Variants in SNAPC1 observed in about 807,000 individuals in gnomAD.
The protein encoded by SNAPC1 is small nuclear RNA activating complex polypeptide 1.
Under a neutral mutation model 50.1 loss-of-function variants are expected in SNAPC1, and 42 were observed. The ratio of observed to expected loss-of-function variants is 0.84; its 90% confidence interval spans 0.65 to 1.08. The LOEUF is 1.08. SNAPC1 is among the 50% of genes least tolerant of loss of function. SNAPC1 has a pLI of 0.00. For missense variants in SNAPC1, 477 were observed against 427.3 expected (o/e 1.12, Z -1.02); for synonymous variants, 164 against 144.2 (o/e 1.14, Z -0.98).
At chr14:61,773,870 G>C in intron 4 of SNAPC1, among the ~76,000 whole-genome samples, 1 of 151,516 alleles carries the variant, frequency 6.6e-6, no homozygotes. Context: ...ACCATGCCTG[G>C]CTAATTTTTT....
In SNAPC1 at chr14:61,767,255, A is replaced by G. The variant is rs769365619; in HGVS notation, c.332A>G (p.Gln111Arg). The change falls in exon 3 of 10, where the codon CAG becomes CGG. Residue 111 changes from glutamine (Q) to arginine (R), a missense_variant. Coordinates refer to ENST00000216294, the MANE Select transcript of SNAPC1 (RefSeq NM_003082.4). Reference sequence around the variant, plus strand: ...GATTGGGATGAAGTTTTAAAATTTCAGCAAGATTTAGTAAATGCACAGCAT... The same window carrying G: ...GATTGGGATGAAGTTTTAAAATTTCGGCAAGATTTAGTAAATGCACAGCAT... ...LKDWDEVLKF[Q>R]QDLVNAQHFD... The G allele has an allele frequency of 2.5e-5, 38 of 1,520,356 alleles. No individual in the cohort carries two copies. Among genetic ancestry groups the G allele is most frequent in the Non-Finnish European group, 3.1e-5 (35 of 1,132,740 alleles). The allele number at this position is 1,520,356 out of a possible 1,614,324, so 94.2% of individuals were successfully genotyped here. A position where few individuals can be genotyped will look rare whatever the true frequency, so the allele number is the denominator to read the frequency against.
At chr14:61,766,405 TC>T (rs1391262642) in intron 1 of SNAPC1, among the ~76,000 whole-genome samples, 2 of 152,234 alleles carry the variant, frequency 1.3e-5, no homozygotes, top group African/African-American at 4.8e-5. Flanking sequence ...TGACCCTGTC[TC>T]CTTTGTTCAG....
intron 1 of SNAPC1, 152 bp downstream of exon 1, chr14:61,762,740 C>A: frequency 2.4e-6 from 2 of 828,236 alleles, no homozygotes; most frequent in Non-Finnish European, 3.8e-6. Flanking sequence ...CCCCTGTGCT[C>A]AGGCAACGCG....
intron 1 of SNAPC1, among the ~76,000 whole-genome samples, chr14:61,763,792 C>T (rs2044927481): frequency 6.6e-6 from 1 of 152,140 alleles, no homozygotes; most frequent in Non-Finnish European, 1.5e-5. Context: ...CATTTGATTG[C>T]AGGGTCCGCT....
At chr14:61,770,842 A>G (rs965101911) in intron 4 of SNAPC1, among the ~76,000 whole-genome samples, 1 of 152,086 alleles carries the variant, frequency 6.6e-6, no homozygotes, top group Admixed American at 6.6e-5. Context: ...CCAGGGCTCA[A>G]GTGATACTCA....
rs1164706955 is a variant in SNAPC1, at chr14:61,782,354, A to T, written c.933A>T (p.Glu311Asp). The T allele has an allele frequency of 6.8e-6, 11 of 1,613,750 alleles. No homozygotes were observed. The highest frequency in any genetic ancestry group is 8.5e-6 in the Non-Finnish European group (10 of 1,179,872). ...VKATRKKEKKERLKPAGRKMS... is the reference protein window; with the variant it reads ...VKATRKKEKKDRLKPAGRKMS... ...CAACTAGGAAAAAAGAGAAGAAAGA[A>T]AGATTGAAACCAGCAGGAAGGAAGA... is the stretch of plus-strand genomic sequence containing the variant. Residue 311 changes from glutamate to aspartate, a missense_variant, in exon 8 of 10, where the codon GAA (glutamate) becomes GAT (aspartate). By Grantham distance (45) the Glu-to-Asp change is conservative. Transcript: ENST00000216294.
intron 1 of SNAPC1, among the ~76,000 whole-genome samples, chr14:61,764,251 T>TA (rs1437903797): frequency 3.9e-5 from 6 of 152,252 alleles, no homozygotes; most frequent in Admixed American, 3.3e-4. Context: ...CCATAGTACA[T>TA]ATAATATTAA....
intron 8 of SNAPC1, among the ~76,000 whole-genome samples, chr14:61,791,781 G>T (rs894470240): frequency 6.6e-6 from 1 of 152,014 alleles, no homozygotes; most frequent in African/African-American, 2.4e-5. Context: ...CCTGGGAGGC[G>T]GAGGTTGCAG....
chr14:61,784,716 T>C (rs935940174), intron 8 of SNAPC1, among the ~76,000 whole-genome samples: 1 of 152,228 alleles, frequency 6.6e-6, no homozygotes, highest in Non-Finnish European at 1.5e-5. Flanking sequence ...CTAGGTAAAA[T>C]AGAAGATTAT....
intron 8 of SNAPC1, among the ~76,000 whole-genome samples, chr14:61,786,709 C>G (rs1041343379): frequency 6.6e-6 from 1 of 152,114 alleles, no homozygotes; most frequent in African/African-American, 2.4e-5. Context: ...TGGTGTGAAT[C>G]CAGAATGATG....
rs1267859691 is a variant in SNAPC1, at chr14:61,795,274, T to A, written c.*291T>A. 1 of 330,906 alleles carries A rather than the reference T, an allele frequency of 3.0e-6. No homozygotes were observed. Among genetic ancestry groups the A allele is most frequent in the Non-Finnish European group, 5.5e-6 (1 of 181,538 alleles). The allele number at this position is 330,906 out of a possible 1,614,324, so 20.5% of individuals were successfully genotyped here. On this transcript the variant is annotated 3_prime_UTR_variant, in exon 10 of 10. Transcript: ENST00000216294. ...GATTGTTACTATTTCCTATAAGGTT[T>A]TGTGATACTATACTGTCCTAATACA...
At chr14:61,792,994 G>T (rs1566594749) in intron 9 of SNAPC1, 92 bp downstream of exon 9, 1 of 614,580 alleles carries the variant, frequency 1.6e-6, no homozygotes, top group Non-Finnish European at 2.9e-6. Context: ...ATGACAGTTT[G>T]CTGTGTGTTC....
intron 8 of SNAPC1, among the ~76,000 whole-genome samples, chr14:61,782,795 A>T (rs946538582): frequency 2.0e-5 from 3 of 151,970 alleles, no homozygotes; most frequent in Admixed American, 2.0e-4. Context: ...AATCCCAGCT[A>T]CTTGGGAGGC....
At chr14:61,772,004 A>G (rs1233518433) in intron 4 of SNAPC1, among the ~76,000 whole-genome samples, 1 of 152,224 alleles carries the variant, frequency 6.6e-6, no homozygotes, top group African/African-American at 2.4e-5. Context: ...TGAATCATGA[A>G]GAGAGAGGCA....
At chr14:61,779,651 C>G (rs1466656318) in intron 7 of SNAPC1, among the ~76,000 whole-genome samples, 5 of 149,074 alleles carry the variant, frequency 3.4e-5, no homozygotes, top group Admixed American at 2.0e-4. Context: ...TTGATGGTTC[C>G]TCCCATTTCC....
In SNAPC1 at chr14:61,768,731, T is replaced by G; in HGVS notation, c.525T>G (p.Asp175Glu). 1 of 1,583,828 alleles carries G rather than the reference T, an allele frequency of 6.3e-7. No individual in the cohort carries two copies. Among genetic ancestry groups the G allele is most frequent in the Middle Eastern group, 1.7e-4 (1 of 5,998 alleles). Residue 175 changes from aspartate to glutamate, a missense_variant, in exon 4 of 10, where the codon GAT becomes GAG. Coordinates refer to ENST00000216294, the MANE Select transcript of SNAPC1 (RefSeq NM_003082.4). ...GTGTGATGAAACTTATCACTTCTGATGTATTAGAGGTAAATTTTCTTTTAT... is the reference window on the plus strand; with the variant it reads ...GTGTGATGAAACTTATCACTTCTGAGGTATTAGAGGTAAATTTTCTTTTAT... Reference protein sequence around the residue: ...SDRVMKLITSDVLEEMLNVHD... With the variant: ...SDRVMKLITSEVLEEMLNVHD...
chr14:61,784,389 A>G (rs1594650455), intron 8 of SNAPC1, among the ~76,000 whole-genome samples: 1 of 152,220 alleles, frequency 6.6e-6, no homozygotes, highest in Non-Finnish European at 1.5e-5. Flanking sequence ...CAATAGGTTA[A>G]AGGGGAAAAT....
chr14:61,778,783 G>T, intron 6 of SNAPC1, 65 bp from the exon 7 acceptor site: 1 of 902,146 alleles, frequency 1.1e-6, no homozygotes. Flanking sequence ...AAATACTTGG[G>T]TATTCAGTTT....
intron 1 of SNAPC1, among the ~76,000 whole-genome samples, chr14:61,764,454 A>G (rs964186043): frequency 2.6e-5 from 4 of 152,028 alleles, no homozygotes; most frequent in African/African-American, 9.7e-5. Flanking sequence ...TTTTTTTTTA[A>G]ATGGCTACTA....
Sources: allele counts gnomAD v4.1 joint callset (sites outside exome capture counted in the v4.1 genomes callset), GRCh38; gene constraint gnomAD v4.1.1; transcripts MANE v1.5; gene names NCBI Gene and HGNC (gene_info 2026-07-23, HGNC 2026-07-21).